The following BRD10 variants were observed in gnomAD, a reference collection of about 807,000 sequenced individuals.
The protein encoded by BRD10 is bromodomain containing 10, also known as uncharacterized bromodomain-containing protein 10.
chr9:5,890,469 G>A, the BRD10 span, among the ~76,000 whole-genome samples: 2 of 152,122 alleles, frequency 1.3e-5, no homozygotes, highest in African/African-American at 4.8e-5. Flanking sequence ...GGTGTTAACT[G>A]TCCACTGGAG....
the BRD10 span, among the ~76,000 whole-genome samples, chr9:5,880,256 C>G: frequency 6.6e-6 from 1 of 151,612 alleles, no homozygotes; most frequent in Non-Finnish European, 1.5e-5. Context: ...AAAAACAAGC[C>G]AAATCCCAGC....
the BRD10 span, among the ~76,000 whole-genome samples, chr9:5,963,746 T>G: frequency 6.6e-6 from 1 of 151,920 alleles, no homozygotes; most frequent in Admixed American, 6.6e-5. Context: ...TCAGAAATAA[T>G]GCCGCATACC....
chr9:5,955,423 A>G, the BRD10 span, among the ~76,000 whole-genome samples: 1 of 152,326 alleles, frequency 6.6e-6, no homozygotes, highest in African/African-American at 2.4e-5. Context: ...TACATAAAGT[A>G]ACTTTGCTGT....
At chr9:5,959,707 C>G in the BRD10 span, among the ~76,000 whole-genome samples, 1 of 152,126 alleles carries the variant, frequency 6.6e-6, no homozygotes, top group African/African-American at 2.4e-5. Flanking sequence ...TTCACAGATA[C>G]GGGCCTGGAA....
the BRD10 span, among the ~76,000 whole-genome samples, chr9:5,995,952 GAA>G: frequency 6.6e-6 from 1 of 152,098 alleles, no homozygotes; most frequent in Non-Finnish European, 1.5e-5. Context: ...ACAAAAATGT[GAA>G]AAGTCAAAAA....
chr9:5,922,011 A>T, the BRD10 span: 3 of 1,614,028 alleles, frequency 1.9e-6, no homozygotes, highest in East Asian at 2.2e-5. Context: ...GCAGAGGAAG[A>T]AGTTGTTGAT....
At chr9:5,928,359 A>G in the BRD10 span, among the ~76,000 whole-genome samples, 4 of 152,054 alleles carry the variant, frequency 2.6e-5, no homozygotes, top group African/African-American at 7.2e-5. Context: ...TCTCCACCCA[A>G]CAGAGTGATT....
chr9:5,996,688 G>A, the BRD10 span, among the ~76,000 whole-genome samples: 1 of 152,090 alleles, frequency 6.6e-6, no homozygotes. Flanking sequence ...CTGTTTTTCT[G>A]AATTTAGGAA....
At chr9:5,901,870 T>G in the BRD10 span, among the ~76,000 whole-genome samples, 6 of 152,198 alleles carry the variant, frequency 3.9e-5, no homozygotes, top group Non-Finnish European at 7.3e-5. Context: ...TAAATCCTAT[T>G]TTGTCATGGT....
chr9:5,938,091 T>A, the BRD10 span, among the ~76,000 whole-genome samples: 442 of 152,348 alleles, frequency 2.9e-3, 3 homozygotes, highest in African/African-American at 9.8e-3. Flanking sequence ...GTCTATGGTG[T>A]CTGGTGACTT....
At chr9:5,953,126 T>C in the BRD10 span, among the ~76,000 whole-genome samples, 1 of 152,182 alleles carries the variant, frequency 6.6e-6, no homozygotes, top group Admixed American at 6.5e-5. Context: ...TTTTTAGATA[T>C]ATCTAACTAT....
chr9:5,975,852 T>G, the BRD10 span, among the ~76,000 whole-genome samples: 1 of 152,108 alleles, frequency 6.6e-6, no homozygotes, highest in African/African-American at 2.4e-5. Context: ...AATGGTTAGT[T>G]TGGGGGTTAA....
the BRD10 span, chr9:5,909,273 T>G: frequency 6.6e-6 from 1 of 152,644 alleles, no homozygotes; most frequent in South Asian, 2.1e-4. Context: ...GCTCTTTTTT[T>G]TTGAGATGGA....
chr9:5,947,338 T>G, the BRD10 span, among the ~76,000 whole-genome samples: 1 of 152,140 alleles, frequency 6.6e-6, no homozygotes, highest in East Asian at 1.9e-4. Context: ...CATTTTTGAG[T>G]AGTAAGGTAC....
the BRD10 span, among the ~76,000 whole-genome samples, chr9:5,914,409 G>GT: frequency 0.046 from 4,902 of 106,692 alleles, 597 homozygotes; most frequent in Middle Eastern, 0.071. Flanking sequence ...AAATCCAGAT[G>GT]GTTTTTTTTT....
the BRD10 span, among the ~76,000 whole-genome samples, chr9:5,995,867 T>C: frequency 1.3e-5 from 2 of 152,176 alleles, no homozygotes; most frequent in African/African-American, 4.8e-5. Context: ...GCTAACAATT[T>C]GTACATATGG....
chr9:6,003,209 T>C, the BRD10 span, among the ~76,000 whole-genome samples: 2 of 152,238 alleles, frequency 1.3e-5, no homozygotes, highest in Non-Finnish European at 2.9e-5. Flanking sequence ...AAAATTTAAA[T>C]TTAGCTTTAT....
chr9:5,925,500 C>A, the BRD10 span, among the ~76,000 whole-genome samples: 1 of 151,788 alleles, frequency 6.6e-6, no homozygotes, highest in Admixed American at 6.6e-5. Flanking sequence ...TTTTTTCTAG[C>A]TGCACTGACA....
At chr9:5,934,262 T>C in the BRD10 span, among the ~76,000 whole-genome samples, 1 of 152,028 alleles carries the variant, frequency 6.6e-6, no homozygotes, top group African/African-American at 2.4e-5. Flanking sequence ...CACAGACACA[T>C]GAAGCACAGA....
Sources: gnomAD v4.1 joint callset for allele counts (sites outside exome capture counted in the v4.1 genomes callset) on GRCh38, gnomAD v4.1.1 for gene constraint, MANE v1.5 for transcripts, NCBI Gene and HGNC (gene_info 2026-07-23, HGNC 2026-07-21) for gene names.